Variants in KCNK13 observed in about 807,000 individuals in gnomAD.
KCNK13 encodes the protein potassium two pore domain channel subfamily K member 13, also known as potassium channel subfamily K member 13.
KCNK13 carries 12 observed loss-of-function variants against 23.4 expected under a neutral mutation model. The ratio of observed to expected loss-of-function variants is 0.51; its 90% confidence interval spans 0.33 to 0.83. The LOEUF is 0.83. Among genes scored for constraint, KCNK13 ranks in the 40% least tolerant of loss-of-function variants. The pLI is 0.02. For missense variants in KCNK13, 463 were observed against 556.3 expected (o/e 0.83, Z 1.69); for synonymous variants, 231 against 229.5 (o/e 1.01, Z -0.06).
At chr14:90,133,220 G>A (rs75485149) in intron 1 of KCNK13, among the ~76,000 whole-genome samples, 15,050 of 152,196 alleles carry the variant, frequency 0.099, 1,059 homozygotes, top group Admixed American at 0.25. Flanking sequence ...GTCTCATTTT[G>A]TACGTGACAA....
intron 1 of KCNK13, chr14:90,107,545 T>C: frequency 2.5e-6 from 1 of 400,374 alleles, no homozygotes; most frequent in South Asian, 3.1e-5. Flanking sequence ...GCCTGGAAAT[T>C]TCAGTAAACA....
At chr14:90,181,063 G>A (rs1890479602) in intron 1 of KCNK13, among the ~76,000 whole-genome samples, 1 of 152,066 alleles carries the variant, frequency 6.6e-6, no homozygotes, top group Non-Finnish European at 1.5e-5. Context: ...CACCAGGTTG[G>A]CCAGGATAGT....
intron 1 of KCNK13, among the ~76,000 whole-genome samples, chr14:90,068,770 C>A (rs994878229): frequency 1.3e-5 from 2 of 152,110 alleles, no homozygotes; most frequent in South Asian, 2.1e-4. Context: ...CTAGGACAAG[C>A]CCTCCCATGC....
At chr14:90,092,535 G>A (rs1420750190) in intron 1 of KCNK13, among the ~76,000 whole-genome samples, 1 of 152,160 alleles carries the variant, frequency 6.6e-6, no homozygotes, top group African/African-American at 2.4e-5. Flanking sequence ...GCATTTTGGA[G>A]GAGCAGGAAA....
chr14:90,090,478 G>A (rs902359297), intron 1 of KCNK13, among the ~76,000 whole-genome samples: 5 of 152,240 alleles, frequency 3.3e-5, no homozygotes, highest in African/African-American at 9.6e-5. Context: ...CAGGCTTATA[G>A]GCAGAAGGGC....
At chr14:90,140,409 G>A (rs532332437) in intron 1 of KCNK13, among the ~76,000 whole-genome samples, 2 of 152,266 alleles carry the variant, frequency 1.3e-5, no homozygotes, top group African/African-American at 4.8e-5. Context: ...TTAACGTACC[G>A]TACTACAAGG....
intron 1 of KCNK13, among the ~76,000 whole-genome samples, chr14:90,130,355 A>G (rs1451712452): frequency 6.6e-6 from 1 of 151,574 alleles, no homozygotes; most frequent in Non-Finnish European, 1.5e-5. Flanking sequence ...ACGCACCACC[A>G]CGCCCGGCTA....
At chr14:90,172,178 G>A (rs552809522) in intron 1 of KCNK13, among the ~76,000 whole-genome samples, 33 of 152,098 alleles carry the variant, frequency 2.2e-4, no homozygotes, top group Non-Finnish European at 4.6e-4. Flanking sequence ...TTAGCTGGCT[G>A]TGGTGGCAGG....
chr14:90,081,938 A>T (rs1889217728), intron 1 of KCNK13, among the ~76,000 whole-genome samples: 1 of 152,032 alleles, frequency 6.6e-6, no homozygotes, highest in African/African-American at 2.4e-5. Flanking sequence ...TGCCTCTCAT[A>T]TTTTGCCTGT....
At chr14:90,165,987 T>A (rs1370748145) in intron 1 of KCNK13, among the ~76,000 whole-genome samples, 1 of 152,238 alleles carries the variant, frequency 6.6e-6, no homozygotes, top group Non-Finnish European at 1.5e-5. Context: ...AGAACTACTG[T>A]GATTTGTAGT....
intron 1 of KCNK13, among the ~76,000 whole-genome samples, chr14:90,124,324 C>T (rs1328785678): frequency 6.6e-6 from 1 of 152,228 alleles, no homozygotes; most frequent in Non-Finnish European, 1.5e-5. Context: ...AGGTTCCATT[C>T]CCTGGAACCT....
At chr14:90,138,197 ATG>A (rs1256794005) in intron 1 of KCNK13, among the ~76,000 whole-genome samples, 1 of 152,232 alleles carries the variant, frequency 6.6e-6, no homozygotes, top group Non-Finnish European at 1.5e-5. Flanking sequence ...TAGAAGTAAT[ATG>A]TGCTCATTGT....
chr14:90,156,844 TC>T (rs528289761), intron 1 of KCNK13, among the ~76,000 whole-genome samples: 13 of 152,188 alleles, frequency 8.5e-5, no homozygotes, highest in Non-Finnish European at 1.8e-4. Context: ...CCACCTGCTC[TC>T]CTTCTGCAAG....
At chr14:90,180,152 G>A (rs138140874) in intron 1 of KCNK13, among the ~76,000 whole-genome samples, 133 of 152,192 alleles carry the variant, frequency 8.7e-4, no homozygotes, top group African/African-American at 3.1e-3. Flanking sequence ...ATGACTTTAG[G>A]CAAACCACTC....
rs185298856 is a variant in KCNK13, at chr14:90,107,885, C to T, written c.334+45346C>T. ...ACAGCTCACGGGAGCAAGAATGGGG[C>T]CTTGAGTCTTTATCAGTAAAGATTG... On this transcript the variant is annotated intron_variant, in intron 1 of 1. Transcript: ENST00000282146. The T allele has an allele frequency of 3.8e-6, 3 of 790,422 alleles. No individual in the cohort carries two copies. The South Asian group carries it at 4.0e-5, about 11-fold the overall frequency. 49.0% of individuals were successfully genotyped at this position (790,422 alleles called of 1,614,324 possible). A position where few individuals can be genotyped will look rare whatever the true frequency, so the allele number is the denominator to read the frequency against.
At chr14:90,091,962 T>C (rs1889350838) in intron 1 of KCNK13, among the ~76,000 whole-genome samples, 2 of 150,512 alleles carry the variant, frequency 1.3e-5, no homozygotes, top group South Asian at 4.2e-4. Context: ...AGTCTCACTC[T>C]GTCCCCCAGG....
rs955849415 is a variant in KCNK13 at position 90,185,125 on chromosome 14, G to A, written c.*122G>A. On this transcript the variant is annotated 3_prime_UTR_variant, in exon 2 of 2. Coordinates refer to ENST00000282146, the MANE Select transcript of KCNK13 (RefSeq NM_022054.4). The stretch of plus-strand genomic sequence containing the variant: ...CTGGGAGCTGTTCCCGGGAGCCTCC[G>A]CAAGCATCTTTAGAAATCTGATCTC... 1.7e-5 allele frequency: 15 copies of A among 869,866 alleles called. No individual in the cohort carries two copies. In the East Asian group the frequency reaches 3.3e-4, roughly 19 times the overall value. The allele number at this position is 869,866 out of a possible 1,614,324, so 53.9% of individuals were successfully genotyped here.
At chr14:90,098,934 C>A (rs1382104256) in intron 1 of KCNK13, among the ~76,000 whole-genome samples, 2 of 152,042 alleles carry the variant, frequency 1.3e-5, no homozygotes, top group African/African-American at 4.8e-5. Context: ...AAAAATTAGC[C>A]GGGCGTGATG....
chr14:90,117,256 G>A lies in KCNK13; in HGVS notation c.334+54717G>A, dbSNP rs1230276594. ...GAAGTGAGACAGAGTGGGACAGTGA[G>A]AGGTCTCATCATGCTCCTTAGAACG... On this transcript the variant is annotated intron_variant, in intron 1 of 1. Coordinates refer to ENST00000282146, the MANE Select transcript of KCNK13 (RefSeq NM_022054.4). Among the ~76,000 whole-genome samples the A allele has an allele frequency of 1.3e-5, 2 of 152,110 alleles. 1 individual carries two copies. The highest frequency in any genetic ancestry group is 2.9e-5 in the Non-Finnish European group (2 of 68,016).
Sources: gnomAD v4.1 joint callset for allele counts (sites outside exome capture counted in the v4.1 genomes callset) on GRCh38, gnomAD v4.1.1 for gene constraint, MANE v1.5 for transcripts, NCBI Gene and HGNC (gene_info 2026-07-23, HGNC 2026-07-21) for gene names.